Variants in PHKB observed in about 807,000 individuals in gnomAD.
PHKB encodes phosphorylase kinase regulatory subunit beta, also known as phosphorylase b kinase regulatory subunit beta.
PHKB carries 122 observed loss-of-function variants against 152.1 expected under a neutral mutation model. That is an observed-to-expected ratio of 0.80 (90% CI 0.69 to 0.93). The LOEUF (loss-of-function observed/expected upper bound fraction) is 0.93, where lower values mean the gene tolerates loss of function less well. Among genes scored for constraint, PHKB ranks in the 40% least tolerant of loss-of-function variants. The pLI, the probability that PHKB is intolerant of heterozygous loss-of-function variation, is 0.00. For missense variants in PHKB, 1,304 were observed against 1,328.4 expected (o/e 0.98, Z 0.29); for synonymous variants, 436 against 464.9 (o/e 0.94, Z 0.80).
At chr16:47,553,530 A>G (rs1007867056) in intron 7 of PHKB, among the ~76,000 whole-genome samples, 1 of 152,050 alleles carries the variant, frequency 6.6e-6, no homozygotes, top group African/African-American at 2.4e-5. Context: ...TCTGAAGCCT[A>G]CTTCTGTCAG....
Position 47,641,059 on chromosome 16 carries a change from G to C in PHKB, c.1483G>C (p.Val495Leu). The change falls in exon 15 of 31, where the codon GTT becomes CTT. Residue 495 changes from valine to leucine, a missense_variant. Physicochemically the swap from Val to Leu is conservative, Grantham distance 32 (BLOSUM62 1). Coordinates refer to ENST00000323584, the MANE Select transcript of PHKB (RefSeq NM_000293.3). ...GGGCCCACTGGAAAATGACTTGGTA[G>C]TTCATGTGGCACTTATAGCAGAAAG... ...NQGPLENDLVVHVALIAESQR... is the reference protein window; with the variant it reads ...NQGPLENDLVLHVALIAESQR... The C allele has an allele frequency of 6.2e-7, 1 of 1,613,966 alleles. No individual in the cohort carries two copies. The highest frequency in any genetic ancestry group is 1.1e-5 in the South Asian group (1 of 91,068).
chr16:47,472,684 G>A (rs1416934496), intron 1 of PHKB, among the ~76,000 whole-genome samples: 2 of 152,062 alleles, frequency 1.3e-5, no homozygotes, highest in African/African-American at 2.4e-5. Context: ...TCGGGAGGCC[G>A]GGCAGGAGAA....
intron 15 of PHKB, 95 bp downstream of exon 15, chr16:47,641,185 A>G (rs1348676776): frequency 2.1e-6 from 2 of 963,534 alleles, no homozygotes; most frequent in Non-Finnish European, 3.3e-6. Flanking sequence ...ATGGTAGAAG[A>G]GATTAACTTC....
At chr16:47,461,496 G>A (rs1033605790) in intron 1 of PHKB, 70 bp downstream of exon 1, 1 of 1,521,034 alleles carries the variant, frequency 6.6e-7, no homozygotes, top group Non-Finnish European at 9.1e-7. Flanking sequence ...GCGCCTTGGC[G>A]GGAGGCAGGT....
At chr16:47,463,932 A>G (rs1969620731) in intron 1 of PHKB, 4 of 1,614,000 alleles carry the variant, frequency 2.5e-6, no homozygotes, top group East Asian at 2.2e-5. Context: ...AGAGCCAACA[A>G]TTTGAAATGG....
chr16:47,627,193 T>C (rs1271120606), intron 14 of PHKB, among the ~76,000 whole-genome samples: 1 of 152,214 alleles, frequency 6.6e-6, no homozygotes, highest in East Asian at 1.9e-4. Context: ...TCTTTCCTGA[T>C]GTTGATCTTT....
chr16:47,535,589 G>A (rs1428460843), intron 6 of PHKB, among the ~76,000 whole-genome samples: 2 of 152,132 alleles, frequency 1.3e-5, no homozygotes, highest in African/African-American at 4.8e-5. Flanking sequence ...TTTTGGAGTT[G>A]CAGTGAACTA....
At chr16:47,665,514 G>A (rs1475688077) in intron 25 of PHKB, 17 of 256,600 alleles carry the variant, frequency 6.6e-5, no homozygotes, top group Non-Finnish European at 1.2e-4. Context: ...TGGTTATCTA[G>A]GCACCAAAAG....
chr16:47,652,515 T>C (rs2151732494), intron 20 of PHKB, among the ~76,000 whole-genome samples: 1 of 152,068 alleles, frequency 6.6e-6, no homozygotes, highest in South Asian at 2.1e-4. Context: ...CACCAAACAG[T>C]GTATAACATT....
chr16:47,517,938 T>A (rs1445510102), intron 6 of PHKB, among the ~76,000 whole-genome samples: 1 of 152,154 alleles, frequency 6.6e-6, no homozygotes, highest in Non-Finnish European at 1.5e-5. Context: ...ATGTGTTGGA[T>A]CATATGGAGA....
chr16:47,517,061 A>ATCT (rs1395296045), intron 6 of PHKB, among the ~76,000 whole-genome samples: 1 of 152,156 alleles, frequency 6.6e-6, no homozygotes, highest in Non-Finnish European at 1.5e-5. Context: ...TATAAAACAA[A>ATCT]TAAAAGAAGC....
chr16:47,583,960 C>T (rs775960226), intron 8 of PHKB, among the ~76,000 whole-genome samples: 4 of 151,724 alleles, frequency 2.6e-5, no homozygotes, highest in South Asian at 2.1e-4. Flanking sequence ...TTTATTTTTA[C>T]GGGCAGTTGT....
chr16:47,564,976 C>A, intron 7 of PHKB: 1 of 234,984 alleles, frequency 4.3e-6, no homozygotes, highest in Non-Finnish European at 8.5e-6. Context: ...TTTTTTCCCC[C>A]AGGAGATGGT....
chr16:47,486,577 A>G (rs1345146851), intron 1 of PHKB, among the ~76,000 whole-genome samples: 1 of 152,186 alleles, frequency 6.6e-6, no homozygotes, highest in Non-Finnish European at 1.5e-5. Flanking sequence ...TAGTTTGCTG[A>G]TAGACTGTAT....
chr16:47,619,850 A>T (rs1016356907), intron 14 of PHKB, among the ~76,000 whole-genome samples: 1 of 152,134 alleles, frequency 6.6e-6, no homozygotes, highest in Non-Finnish European at 1.5e-5. Flanking sequence ...GATTTATTGT[A>T]TTTTGCGTTA....
At chr16:47,677,260 C>A (rs1973748438) in intron 26 of PHKB, among the ~76,000 whole-genome samples, 1 of 152,186 alleles carries the variant, frequency 6.6e-6, no homozygotes, top group African/African-American at 2.4e-5. Flanking sequence ...CCACATCCTT[C>A]AGTCACCAAA....
chr16:47,612,455 C>G (rs1279683616), intron 14 of PHKB, among the ~76,000 whole-genome samples: 1 of 152,112 alleles, frequency 6.6e-6, no homozygotes, highest in Non-Finnish European at 1.5e-5. Flanking sequence ...TTTTGGTGTA[C>G]AATATACTAC....
chr16:47,477,384 T>G (rs999228344), intron 1 of PHKB, among the ~76,000 whole-genome samples: 6 of 152,194 alleles, frequency 3.9e-5, no homozygotes. Flanking sequence ...TTGAATGAAT[T>G]AATTAATCAT....
chr16:47,561,101 C>T (rs1236392446), intron 7 of PHKB, among the ~76,000 whole-genome samples: 1 of 152,086 alleles, frequency 6.6e-6, no homozygotes, highest in Non-Finnish European at 1.5e-5. Context: ...TGGAAAGAAC[C>T]TGAGGATTTA....
Sources: gnomAD v4.1 joint callset for allele counts (sites outside exome capture counted in the v4.1 genomes callset) on GRCh38, gnomAD v4.1.1 for gene constraint, MANE v1.5 for transcripts, NCBI Gene and HGNC (gene_info 2026-07-23, HGNC 2026-07-21) for gene names.